LRRC3B: variants seen among roughly 807,000 people sequenced by gnomAD.
LRRC3B encodes leucine rich repeat containing 3B, also known as leucine-rich repeat-containing protein 3B.
In LRRC3B, 2 loss-of-function variants were observed where a neutral mutation model predicts 12.8. The observed-to-expected ratio is 0.16, with a 90% CI of 0.06 to 0.49. The LOEUF is 0.49. Among genes scored for constraint, LRRC3B ranks in the 20% least tolerant of loss-of-function variants. The pLI is 0.96. For missense variants in LRRC3B, 189 were observed against 319.4 expected (o/e 0.59, Z 3.11); for synonymous variants, 132 against 122.0 (o/e 1.08, Z -0.54).
chr3:26,682,348 T>C (rs1699989751), intron 1 of LRRC3B, among the ~76,000 whole-genome samples: 2 of 152,152 alleles, frequency 1.3e-5, no homozygotes, highest in South Asian at 4.1e-4. Flanking sequence ...ACTGCCACCT[T>C]TTTCCTGGCA....
intron 1 of LRRC3B, chr3:26,624,373 G>T (rs964764935): frequency 2.6e-5 from 4 of 152,700 alleles, no homozygotes; most frequent in African/African-American, 9.7e-5. Context: ...GTAGACCCAC[G>T]CCCACCTTCC....
chr3:26,669,609 TA>T (rs568112789), intron 1 of LRRC3B, among the ~76,000 whole-genome samples: 101 of 152,362 alleles, frequency 6.6e-4, no homozygotes, highest in Non-Finnish European at 1.2e-3. Context: ...ACTCTGTTAG[TA>T]AAATCTGTCT....
intron 1 of LRRC3B, among the ~76,000 whole-genome samples, chr3:26,643,215 C>G (rs957847957): frequency 9.1e-4 from 137 of 151,152 alleles, no homozygotes; most frequent in African/African-American, 3.2e-3. Context: ...ACTCAGGAAT[C>G]CAGAATGGTG....
chr3:26,702,640 T>A (rs1700484776), intron 1 of LRRC3B, among the ~76,000 whole-genome samples: 1 of 152,156 alleles, frequency 6.6e-6, no homozygotes, highest in Non-Finnish European at 1.5e-5. Flanking sequence ...TCGGGAGTCA[T>A]TAGTGCTTTT....
intron 1 of LRRC3B, among the ~76,000 whole-genome samples, chr3:26,657,733 T>C (rs1293759594): frequency 6.6e-6 from 1 of 152,166 alleles, no homozygotes; most frequent in African/African-American, 2.4e-5. Context: ...TCGAGGTTGC[T>C]CTCTGAGCTG....
chr3:26,624,551 G>C (rs1416724607), intron 1 of LRRC3B: 2 of 152,838 alleles, frequency 1.3e-5, no homozygotes, highest in African/African-American at 2.4e-5. Context: ...GGAGGCTGCG[G>C]TGGGAGCCAC....
At chr3:26,698,966 G>C (rs767371710) in intron 1 of LRRC3B, among the ~76,000 whole-genome samples, 1 of 152,004 alleles carries the variant, frequency 6.6e-6, no homozygotes. Flanking sequence ...GATCTCTTGC[G>C]TTGTTTTCAG....
chr3:26,653,561 C>CA, intron 1 of LRRC3B, among the ~76,000 whole-genome samples: 1 of 140,578 alleles, frequency 7.1e-6, no homozygotes, highest in East Asian at 2.1e-4. Flanking sequence ...TGTAAACTGT[C>CA]AAAAAGAAGA....
chr3:26,679,659 G>A (rs994530204), intron 1 of LRRC3B, among the ~76,000 whole-genome samples: 1 of 152,134 alleles, frequency 6.6e-6, no homozygotes, highest in Admixed American at 6.5e-5. Context: ...TTGTTATTCC[G>A]CTTGGTAGTT....
intron 1 of LRRC3B, among the ~76,000 whole-genome samples, chr3:26,698,124 T>G (rs1384842545): frequency 6.6e-6 from 1 of 152,098 alleles, no homozygotes; most frequent in Non-Finnish European, 1.5e-5. Flanking sequence ...ATGATAGTGG[T>G]GGTGGTGGTG....
chr3:26,659,885 A>C (rs1483239133), intron 1 of LRRC3B, among the ~76,000 whole-genome samples: 2 of 152,194 alleles, frequency 1.3e-5, no homozygotes, highest in African/African-American at 4.8e-5. Flanking sequence ...TCCTGTATTT[A>C]GCTCTTTCTT....
chr3:26,629,640 C>A (rs1698710534), intron 1 of LRRC3B, among the ~76,000 whole-genome samples: 1 of 152,186 alleles, frequency 6.6e-6, no homozygotes, highest in African/African-American at 2.4e-5. Flanking sequence ...AAGTGGAATA[C>A]TTTTCACCCT....
At chr3:26,666,194 G>T (rs1334339676) in intron 1 of LRRC3B, among the ~76,000 whole-genome samples, 1 of 151,958 alleles carries the variant, frequency 6.6e-6, no homozygotes, top group African/African-American at 2.4e-5. Context: ...AATTTAGAAA[G>T]ACTACAGAGA....
intron 1 of LRRC3B, among the ~76,000 whole-genome samples, chr3:26,637,581 G>A (rs1008299515): frequency 6.6e-6 from 1 of 152,196 alleles, no homozygotes; most frequent in Non-Finnish European, 1.5e-5. Context: ...GGATTCTGTG[G>A]ATAGCAGCCA....
Position 26,681,643 on chromosome 3 carries a change from T to C in LRRC3B, c.-160-27870T>C, listed in dbSNP as rs543549368. Reference sequence around the variant, plus strand: ...GATAACATGAAGTGTATAAAGCCTATAGTCCCAAATAAGGGCCGAATAAAT... The same window carrying C: ...GATAACATGAAGTGTATAAAGCCTACAGTCCCAAATAAGGGCCGAATAAAT... On this transcript the variant is annotated intron_variant, in intron 1 of 1. Transcript: ENST00000396641. 2.0e-5 allele frequency among the ~76,000 whole-genome samples: 3 copies of C among 152,322 alleles called. No individual in the cohort carries two copies. The South Asian group carries it at 6.2e-4, about 32-fold the overall frequency.
chr3:26,661,446 T>G (rs545808670), intron 1 of LRRC3B, among the ~76,000 whole-genome samples: 37 of 152,348 alleles, frequency 2.4e-4, no homozygotes, highest in African/African-American at 8.2e-4. Flanking sequence ...TTGGTGATTT[T>G]TATGTCTTTA....
chr3:26,650,955 T>C lies in LRRC3B; in HGVS notation c.-161+27718T>C, dbSNP rs145432920. ...ATGTGAAACGTGGAGAGCACAGAGA[T>C]TGTAAAAATGAAGAAATGCACCTCA... On this transcript the variant is annotated intron_variant, in intron 1 of 1. Coordinates refer to ENST00000396641, the Ensembl canonical transcript of LRRC3B. 5.1e-3 allele frequency among the ~76,000 whole-genome samples: 779 copies of C among 152,294 alleles called. 6 individuals are homozygous for C. The highest frequency in any genetic ancestry group is 0.017 in the African/African-American group (727 of 41,568).
intron 1 of LRRC3B, among the ~76,000 whole-genome samples, chr3:26,691,405 T>C (rs894785361): frequency 1.3e-5 from 2 of 152,056 alleles, no homozygotes; most frequent in Admixed American, 1.3e-4. Context: ...CAACTTTGTT[T>C]TGAAATGATT....
At chr3:26,675,713 A>G (rs1321778773) in intron 1 of LRRC3B, among the ~76,000 whole-genome samples, 1 of 152,248 alleles carries the variant, frequency 6.6e-6, no homozygotes, top group Non-Finnish European at 1.5e-5. Context: ...CAATTAAATA[A>G]TTACAGCGTA....
Sources: gnomAD v4.1 joint callset for allele counts (sites outside exome capture counted in the v4.1 genomes callset) on GRCh38, gnomAD v4.1.1 for gene constraint, MANE v1.5 for transcripts, NCBI Gene and HGNC (gene_info 2026-07-23, HGNC 2026-07-21) for gene names.